The following KIAA0513 variants were observed in gnomAD, a reference collection of about 807,000 sequenced individuals.
KIAA0513 encodes the protein KIAA0513.
KIAA0513 carries 39 observed loss-of-function variants against 56.5 expected under a neutral mutation model. That is an observed-to-expected ratio of 0.69 (90% CI 0.53 to 0.90). KIAA0513 has a LOEUF of 0.90. KIAA0513 is among the 40% of genes least tolerant of loss of function. KIAA0513 has a pLI of 0.00. For synonymous variants in KIAA0513, 268 were observed against 215.6 expected, an observed-to-expected ratio of 1.24 and a Z score of -2.13; for missense variants, 591 against 535.2, an observed-to-expected ratio of 1.10 and a Z score of -1.03.
chr16:85,062,481 G>T (rs935862452), intron 1 of KIAA0513, among the ~76,000 whole-genome samples: 1 of 152,176 alleles, frequency 6.6e-6, no homozygotes, highest in Non-Finnish European at 1.5e-5. Context: ...CCGCAGGCCA[G>T]CATGTTCCTA....
At chr16:85,082,668 T>A in intron 10 of KIAA0513, 75 bp downstream of exon 10, 1 of 1,470,744 alleles carries the variant, frequency 6.8e-7, no homozygotes, top group Non-Finnish European at 9.5e-7. Flanking sequence ...GTGGGGGCTG[T>A]GCACTGTGCT....
At chr16:85,084,217 A>G (rs1434462783) in intron 10 of KIAA0513, among the ~76,000 whole-genome samples, 1 of 150,058 alleles carries the variant, frequency 6.7e-6, no homozygotes, top group Non-Finnish European at 1.5e-5. Context: ...GCCCGCCACC[A>G]TGCCCAGCTA....
At chr16:85,055,263 A>G (rs1271925547) in intron 1 of KIAA0513, among the ~76,000 whole-genome samples, 1 of 152,116 alleles carries the variant, frequency 6.6e-6, no homozygotes, top group Admixed American at 6.6e-5. Context: ...ATTGCTTAAA[A>G]ATAGAAAAGG....
chr16:85,052,518 T>C (rs2073268333), intron 1 of KIAA0513, among the ~76,000 whole-genome samples: 2 of 152,116 alleles, frequency 1.3e-5, no homozygotes, highest in South Asian at 2.1e-4. Context: ...CTGTCTCAAA[T>C]CAATCAGTCA....
chr16:85,047,297 G>C (rs1032463896), intron 1 of KIAA0513, among the ~76,000 whole-genome samples: 4 of 152,214 alleles, frequency 2.6e-5, no homozygotes, highest in African/African-American at 9.6e-5. Context: ...CTCGCTCAGG[G>C]CTGAGCCCAG....
chr16:85,073,064 C>T (rs1026675647), intron 4 of KIAA0513, 66 bp downstream of exon 4: 3 of 1,339,554 alleles, frequency 2.2e-6, no homozygotes, highest in Non-Finnish European at 1.1e-6. Flanking sequence ...GCCTCCCTCC[C>T]CACCCAGCCG....
chr16:85,030,370 G>A (rs1368629567), intron 1 of KIAA0513, among the ~76,000 whole-genome samples: 3 of 152,116 alleles, frequency 2.0e-5, no homozygotes, highest in Admixed American at 2.0e-4. Context: ...GAAACCAAGG[G>A]AGCTGACCCA....
chr16:85,048,756 A>T (rs2073206236), intron 1 of KIAA0513, among the ~76,000 whole-genome samples: 2 of 152,190 alleles, frequency 1.3e-5, no homozygotes, highest in African/African-American at 4.8e-5. Context: ...AATTCTACTA[A>T]TGATGATAAT....
chr16:85,041,771 G>T (rs1289189226), intron 1 of KIAA0513, among the ~76,000 whole-genome samples: 1 of 152,158 alleles, frequency 6.6e-6, no homozygotes, highest in Non-Finnish European at 1.5e-5. Flanking sequence ...GGGTTCCCCT[G>T]TTTCTCTGTG....
Position 85,058,086 on chromosome 16 carries a change from C to T in KIAA0513, c.-172-8814C>T, listed in dbSNP as rs78208577. On this transcript the variant is annotated intron_variant, in intron 1 of 12. Coordinates refer to ENST00000683363, the MANE Select transcript of KIAA0513 (RefSeq NM_001388359.1). ...TTCTCCCTCCCCGGTGACTACAGCA[C>T]GCGGATGCTATTTTGGTTATCAAAT... Among the ~76,000 whole-genome samples the T allele has an allele frequency of 4.9e-3, 741 of 152,286 alleles. 26 individuals are homozygous for T. In the East Asian group the frequency reaches 0.076, roughly 16 times the overall value.
At position 85,088,796 on chromosome 16, in the gene KIAA0513, C is replaced by G; in HGVS notation, c.*471C>G. ...ACCTTCCCTGCAATGGGTGCACACG[C>G]GGCTCCCATCCAGCCCTCTCAGCGT... On this transcript the variant is annotated 3_prime_UTR_variant, in exon 13 of 13. Coordinates refer to ENST00000683363, the MANE Select transcript of KIAA0513 (RefSeq NM_001388359.1). The G allele has an allele frequency of 6.1e-6, 1 of 164,096 alleles. No individual in the cohort carries two copies. Among genetic ancestry groups the G allele is most frequent in the South Asian group, 1.7e-4 (1 of 5,966 alleles). 10.2% of individuals were successfully genotyped at this position (164,096 alleles called of 1,614,324 possible).
At position 85,067,284 on chromosome 16, in the gene KIAA0513, T is replaced by C; in HGVS notation, c.213T>C (p.Arg71=). 6.2e-7 allele frequency: 1 copy of C among 1,613,802 alleles called. No individual in the cohort carries two copies. The highest frequency in any genetic ancestry group is 8.5e-7 in the Non-Finnish European group (1 of 1,179,998). The stretch of plus-strand genomic sequence containing the variant: ...ACCCGTCCTGGGACCAAGACCGCCG[T>C]TCCTCCTCCAACGAGTCCTTCTCCT... The part of the protein sequence containing the change: ...PSHPSWDQDR[R]SSSNESFSSN... The change falls in exon 2 of 13, where the codon CGT becomes CGC. Residue 71 remains arginine, a synonymous_variant. Coordinates refer to ENST00000683363, the MANE Select transcript of KIAA0513 (RefSeq NM_001388359.1).
chr16:85,082,701 C>G, intron 10 of KIAA0513, 108 bp downstream of exon 10: 2 of 1,210,966 alleles, frequency 1.7e-6, no homozygotes, highest in East Asian at 2.5e-5. Context: ...CAGGCACAGC[C>G]CAGACGCAGG....
chr16:85,052,840 G>A (rs2073273177), intron 1 of KIAA0513, among the ~76,000 whole-genome samples: 1 of 152,166 alleles, frequency 6.6e-6, no homozygotes, highest in Admixed American at 6.5e-5. Flanking sequence ...CAAGCAGTGA[G>A]CTGCCTCTCA....
rs1177808244 is a variant in KIAA0513 at position 85,081,316 on chromosome 16, C to T, written c.904C>T (p.His302Tyr). 7 of 1,612,470 alleles carry T rather than the reference C, an allele frequency of 4.3e-6. No individual in the cohort carries two copies. Among genetic ancestry groups the T allele is most frequent in the Non-Finnish European group, 5.1e-6 (6 of 1,179,408 alleles). Reference sequence around the variant, plus strand: ...TGTGACTGGGGCTCTGTCTTGCAGGCACACTCTGAGGTTCTGGAATGCAGC... The same window carrying T: ...TGTGACTGGGGCTCTGTCTTGCAGGTACACTCTGAGGTTCTGGAATGCAGC... ...YTHLKQQPIWHTLRFWNAAFF... is the reference protein window; with the variant it reads ...YTHLKQQPIWYTLRFWNAAFF... The change falls in exon 9 of 13, where the codon CAC (histidine) becomes TAC (tyrosine). Residue 302 changes from histidine to tyrosine, a missense_variant and splice_region_variant. His to Tyr is a moderately conservative substitution (Grantham distance 83, BLOSUM62 2). Coordinates refer to ENST00000683363, the MANE Select transcript of KIAA0513 (RefSeq NM_001388359.1). The surrounding 1 kb of genome is among the most constrained non-coding windows in gnomAD (Gnocchi z 4.4).
rs2144116709 is a variant in KIAA0513 at position 85,088,590 on chromosome 16, G to C, written c.*265G>C. On this transcript the variant is annotated 3_prime_UTR_variant, in exon 13 of 13. Coordinates refer to ENST00000683363, the MANE Select transcript of KIAA0513 (RefSeq NM_001388359.1). ...TGACCAGTTGTACCCCGAGTGCCAG[G>C]CTTGTGAGATGAGACCAAGAGGGAG... is the stretch of plus-strand genomic sequence containing the variant. The C allele has an allele frequency of 1.0e-5, 5 of 490,864 alleles. No individual in the cohort carries two copies. Among genetic ancestry groups the C allele is most frequent in the African/African-American group, 1.9e-5 (1 of 51,656 alleles). The allele number at this position is 490,864 out of a possible 1,614,324, so 30.4% of individuals were successfully genotyped here.
At position 85,067,497 on chromosome 16, in the gene KIAA0513, C is replaced by A. The variant is rs979860863; in HGVS notation, c.329+97C>A. ...GCTCTGCCTCTCCCCAGGGTGCCAC[C>A]TGGGACCAGAGCTTCCATTTCCCCA... On this transcript the variant is annotated intron_variant, in intron 2 of 12. Coordinates refer to ENST00000683363, the MANE Select transcript of KIAA0513 (RefSeq NM_001388359.1). The A allele has an allele frequency of 6.4e-5, 62 of 972,168 alleles. No individual in the cohort carries two copies. The East Asian group carries it at 1.5e-3, about 24-fold the overall frequency. The allele number at this position is 972,168 out of a possible 1,614,324, so 60.2% of individuals were successfully genotyped here.
At chr16:85,055,299 TAC>T (rs2073313132) in intron 1 of KIAA0513, among the ~76,000 whole-genome samples, 1 of 152,178 alleles carries the variant, frequency 6.6e-6, no homozygotes, top group South Asian at 2.1e-4. Flanking sequence ...CTCTAGACAG[TAC>T]CATGATGGGC....
At chr16:85,067,637 C>T (rs750652117) in intron 2 of KIAA0513, among the ~76,000 whole-genome samples, 1 of 152,140 alleles carries the variant, frequency 6.6e-6, no homozygotes, top group Non-Finnish European at 1.5e-5. Context: ...CCAGTTATAT[C>T]AGTTCTCTAG....
Sources: allele counts gnomAD v4.1 joint callset (sites outside exome capture counted in the v4.1 genomes callset), GRCh38; gene constraint gnomAD v4.1.1; non-coding constraint Gnocchi (gnomAD v3.1); transcripts MANE v1.5; gene names NCBI Gene and HGNC (gene_info 2026-07-23, HGNC 2026-07-21).